DLEC1: variants seen among roughly 807,000 people sequenced by gnomAD.
The protein encoded by DLEC1 is DLEC1 cilia and flagella associated protein, also known as deleted in lung and esophageal cancer protein 1.
In DLEC1, 146 loss-of-function variants were observed where a neutral mutation model predicts 198.1. The ratio of observed to expected loss-of-function variants is 0.74; its 90% confidence interval spans 0.64 to 0.85. The LOEUF (loss-of-function observed/expected upper bound fraction) is 0.85, where lower values mean the gene tolerates loss of function less well. DLEC1 is among the 40% of genes least tolerant of loss of function. The pLI is 0.00. For synonymous variants in DLEC1, 897 were observed against 866.8 expected (o/e 1.03, Z -0.61); for missense variants, 2,233 against 2,220.0 (o/e 1.01, Z -0.12).
chr3:38,084,718 C>G (rs1377840347), intron 7 of DLEC1, among the ~76,000 whole-genome samples: 1 of 151,766 alleles, frequency 6.6e-6, no homozygotes, highest in Non-Finnish European at 1.5e-5. Context: ...GGACTCCCCC[C>G]ATCAGCAGTC....
At chr3:38,098,731 C>A (rs1329523763) in intron 18 of DLEC1, among the ~76,000 whole-genome samples, 2 of 152,190 alleles carry the variant, frequency 1.3e-5, no homozygotes, top group African/African-American at 4.8e-5. Flanking sequence ...CATGCATATA[C>A]CTTATTTTGC....
intron 3 of DLEC1, among the ~76,000 whole-genome samples, chr3:38,061,117 C>T (rs1272150634): frequency 2.0e-5 from 3 of 152,234 alleles, no homozygotes; most frequent in Non-Finnish European, 4.4e-5. Context: ...TGATTGCATT[C>T]TTGCTAGCAA....
At chr3:38,091,924 G>A (rs954804415) in intron 10 of DLEC1, among the ~76,000 whole-genome samples, 50 of 152,252 alleles carry the variant, frequency 3.3e-4, no homozygotes, top group African/African-American at 1.1e-3. Context: ...TACTACAGCC[G>A]TTATGGAAAA....
intron 2 of DLEC1, among the ~76,000 whole-genome samples, chr3:38,054,663 G>A (rs1696259193): frequency 1.3e-5 from 2 of 152,238 alleles, no homozygotes; most frequent in Non-Finnish European, 2.9e-5. Context: ...ACCACTTGCT[G>A]TAAGCACAGC....
chr3:38,084,029 AC>A, intron 6 of DLEC1, 128 bp from the exon 7 acceptor site: 2 of 786,338 alleles, frequency 2.5e-6, no homozygotes, highest in Non-Finnish European at 4.1e-6. Flanking sequence ...TTCGACAGTT[AC>A]CAACATGTGG....
Position 38,100,231 on chromosome 3 carries a change from C to T in DLEC1, c.2725-55C>T, listed in dbSNP as rs894530435. 7.8e-6 allele frequency: 12 copies of T among 1,536,160 alleles called. No individual in the cohort carries two copies. The African/African-American group carries it at 1.5e-4, about 19-fold the overall frequency. On this transcript the variant is annotated intron_variant, in intron 18 of 36. Coordinates refer to ENST00000308059, the MANE Select transcript of DLEC1 (RefSeq NM_007335.4). ...GTTAGGCATGGCCAGCCCCCAGTTC[C>T]TCTGCAATTCCAAGTGTCCTCAGTG...
chr3:38,083,821 A>G (rs753346581), intron 6 of DLEC1, among the ~76,000 whole-genome samples: 1 of 149,182 alleles, frequency 6.7e-6, no homozygotes, highest in Non-Finnish European at 1.5e-5. Context: ...TGGTAGAGAG[A>G]GTCTCTTCAT....
rs1164221114 is a variant in DLEC1, at chr3:38,093,696, G to A, written c.1848G>A (p.Gln616=). The A allele has an allele frequency of 6.2e-7, 1 of 1,614,204 alleles. No homozygotes were observed. Residue 616 remains glutamine (Q), a synonymous_variant, in exon 12 of 37, where the codon CAG becomes CAA. Transcript: ENST00000308059. The part of the protein sequence containing the change: ...DPGELTDLTA[Q]HFIRFEPENL... ...GAGAGCTCACAGACTTAACAGCCCAGCACTTCATACGATTTGAGCCTGAAA... is the reference window on the plus strand; with the variant it reads ...GAGAGCTCACAGACTTAACAGCCCAACACTTCATACGATTTGAGCCTGAAA...
rs1358334252 is a variant in DLEC1, at chr3:38,123,482, G to A, written c.*1070G>A. The stretch of plus-strand genomic sequence containing the variant: ...ATCCTGGAAGAACAAAATCCCTAAA[G>A]TCTAAAATCCTGAAAATCACAATCC... On this transcript the variant is annotated 3_prime_UTR_variant, in exon 37 of 37. Transcript: ENST00000308059. 1.1e-5 allele frequency: 2 copies of A among 185,880 alleles called. No individual in the cohort carries two copies. The highest frequency in any genetic ancestry group is 1.2e-4 in the Admixed American group (2 of 16,592). 11.5% of individuals were successfully genotyped at this position (185,880 alleles called of 1,614,324 possible). A position where few individuals can be genotyped will look rare whatever the true frequency, so the allele number is the denominator to read the frequency against.
intron 12 of DLEC1, among the ~76,000 whole-genome samples, chr3:38,094,049 A>C (rs1698883644): frequency 6.6e-6 from 1 of 152,186 alleles, no homozygotes; most frequent in African/African-American, 2.4e-5. Context: ...GACAGTGCAG[A>C]TCTGTAAGAT....
rs568881648 is a variant in DLEC1 at position 38,075,431 on chromosome 3, G to T, written c.1174-8727G>T. 9.3e-4 allele frequency among the ~76,000 whole-genome samples: 141 copies of T among 152,264 alleles called. 2 individuals are homozygous for T. The Middle Eastern group carries it at 0.01, about 11-fold the overall frequency. On this transcript the variant is annotated intron_variant, in intron 6 of 36. Transcript: ENST00000308059. ...AGAAAATAAGGCATTTAGGTTTTAG[G>T]TCAGATGTGAGTTGAAGAGGTTTTA...
intron 19 of DLEC1, chr3:38,103,384 G>T (rs6599263): frequency 0.23 from 34,594 of 152,238 alleles, 5,733 homozygotes; most frequent in African/African-American, 0.47. Flanking sequence ...CATCATTAAG[G>T]ATTGCATTGC....
At chr3:38,115,167 G>A (rs1203417681) in intron 27 of DLEC1, 114 bp downstream of exon 27, 3 of 1,126,738 alleles carry the variant, frequency 2.7e-6, no homozygotes, top group Non-Finnish European at 2.6e-6. Flanking sequence ...GGACCCAGGT[G>A]TCCAGGGGGC....
In DLEC1 at chr3:38,062,563, C is replaced by T. The variant is rs1262641210; in HGVS notation, c.874-18C>T. 7 of 1,613,674 alleles carry T rather than the reference C, an allele frequency of 4.3e-6. No individual in the cohort carries two copies. Among genetic ancestry groups the T allele is most frequent in the Non-Finnish European group, 5.1e-6 (6 of 1,179,738 alleles). On this transcript the variant is annotated intron_variant, in intron 4 of 36. Transcript: ENST00000308059. ...CCCTTTGCCTGTCATTGACTCTATG[C>T]TTTTGTATGTTTCAAAGAAAGCAAG...
At chr3:38,078,111 C>T (rs761963407) in intron 6 of DLEC1, among the ~76,000 whole-genome samples, 32 of 152,026 alleles carry the variant, frequency 2.1e-4, no homozygotes, top group Non-Finnish European at 4.6e-4. Context: ...CAGAGAGATA[C>T]AGTCATGGGG....
In DLEC1 at chr3:38,116,980, C is replaced by T. The variant is rs771614977; in HGVS notation, c.4185C>T (p.Val1395=). The change falls in exon 30 of 37, where the codon GTC becomes GTT. Residue 1395 remains valine (V), a synonymous_variant. Transcript: ENST00000308059. ...GGCTGCTGTGTCTATGCCAGGTGGT[C>T]CCTGCTGGGGGCAGCAGTACCATCT... ...LYCISPKQVV[V]PAGGSSTIYI... 3.1e-6 allele frequency: 5 copies of T among 1,613,798 alleles called. 1 individual carries two copies. The East Asian group carries it at 6.7e-5, about 22-fold the overall frequency.
At chr3:38,106,978 C>G (rs1299086443) in intron 19 of DLEC1, among the ~76,000 whole-genome samples, 1 of 152,084 alleles carries the variant, frequency 6.6e-6, no homozygotes, top group Non-Finnish European at 1.5e-5. Context: ...TTTCTTAGAT[C>G]TATCAGAGAG....
intron 2 of DLEC1, among the ~76,000 whole-genome samples, chr3:38,054,345 A>T (rs1696237795): frequency 6.6e-6 from 1 of 152,184 alleles, no homozygotes; most frequent in South Asian, 2.1e-4. Flanking sequence ...AGGCGCCTGG[A>T]GGCACTGACG....
rs376490115 is a variant in DLEC1 at position 38,052,748 on chromosome 3, G to C, written c.563-6994G>C. 1.7e-4 allele frequency among the ~76,000 whole-genome samples: 24 copies of C among 139,916 alleles called. No individual in the cohort carries two copies. In the South Asian group the frequency reaches 5.1e-3, roughly 30 times the overall value. 91.8% of individuals were successfully genotyped at this position (139,916 alleles called of 152,430 possible). A position where few individuals can be genotyped will look rare whatever the true frequency, so the allele number is the denominator to read the frequency against. ...TGTAAGCATAGCTTCCCATTACAAG[G>C]GTTTGAAGTCCCTCTCTCTCCCTCC... is the stretch of plus-strand genomic sequence containing the variant. On this transcript the variant is annotated intron_variant, in intron 2 of 36. Transcript: ENST00000308059.
Sources: gnomAD v4.1 joint callset for allele counts (sites outside exome capture counted in the v4.1 genomes callset) on GRCh38, gnomAD v4.1.1 for gene constraint, MANE v1.5 for transcripts, NCBI Gene and HGNC (gene_info 2026-07-23, HGNC 2026-07-21) for gene names.